TFDP2: variants seen among roughly 807,000 people sequenced by gnomAD.
TFDP2 encodes the protein transcription factor Dp-2 (E2F dimerization partner 2).
TFDP2 carries 17 observed loss-of-function variants against 59.3 expected under a neutral mutation model. That is an observed-to-expected ratio of 0.29 (90% CI 0.20 to 0.43). TFDP2 has a LOEUF of 0.43. TFDP2 is among the 20% of genes least tolerant of loss of function. The pLI, the probability that TFDP2 is intolerant of heterozygous loss-of-function variation, is 1.00. For missense variants in TFDP2, 391 were observed against 528.8 expected, an observed-to-expected ratio of 0.74 and a Z score of 2.56; for synonymous variants, 180 against 194.7, an observed-to-expected ratio of 0.92 and a Z score of 0.63.
intron 3 of TFDP2, among the ~76,000 whole-genome samples, chr3:142,059,178 A>G (rs1012435609): frequency 1.3e-5 from 2 of 152,204 alleles, no homozygotes; most frequent in African/African-American, 4.8e-5. Context: ...GCTTTGATCA[A>G]TTCTATATAA....
intron 10 of TFDP2, among the ~76,000 whole-genome samples, chr3:141,962,552 T>A (rs1465983419): frequency 6.6e-6 from 1 of 152,058 alleles, no homozygotes; most frequent in East Asian, 1.9e-4. Flanking sequence ...AGAGACAGGG[T>A]TTCACTATGT....
intron 3 of TFDP2, among the ~76,000 whole-genome samples, chr3:142,038,069 C>T (rs1946770883): frequency 6.6e-6 from 1 of 151,932 alleles, no homozygotes. Context: ...TGTGCTGATC[C>T]CCTACAGAAG....
At chr3:142,128,287 A>C (rs996209266) in intron 1 of TFDP2, among the ~76,000 whole-genome samples, 2 of 152,250 alleles carry the variant, frequency 1.3e-5, no homozygotes, top group African/African-American at 4.8e-5. Flanking sequence ...AACTAGGTAC[A>C]CAAAAGGGTT....
chr3:142,106,447 T>G (rs2108658519), intron 1 of TFDP2, among the ~76,000 whole-genome samples: 1 of 152,336 alleles, frequency 6.6e-6, no homozygotes, highest in South Asian at 2.1e-4. Context: ...TTTTAAAGTT[T>G]TTGTCTTTTT....
Position 141,989,886 on chromosome 3 carries a change from TAA to T in TFDP2, c.356+3650_356+3651del, listed in dbSNP as rs1491475360. On this transcript the variant is annotated intron_variant, in intron 6 of 12. Coordinates refer to ENST00000489671, the MANE Select transcript of TFDP2 (RefSeq NM_001178139.2). The stretch of plus-strand genomic sequence containing the variant: ...TTTTACAGATTTACTTTAATAATAA[TAA>T]TAATAATTATTATTATTATTATTGA... Among the ~76,000 whole-genome samples the T allele has an allele frequency of 1.2e-3, 180 of 149,560 alleles. 1 individual carries two copies. The highest frequency in any genetic ancestry group is 4.2e-3 in the African/African-American group (171 of 40,890).
chr3:142,125,572 C>T (rs1233832797), intron 1 of TFDP2, among the ~76,000 whole-genome samples: 1 of 151,972 alleles, frequency 6.6e-6, no homozygotes, highest in Non-Finnish European at 1.5e-5. Context: ...TTGGAAAACC[C>T]ATAACTGCGT....
intron 3 of TFDP2, among the ~76,000 whole-genome samples, chr3:142,040,472 G>A (rs1340902827): frequency 1.3e-5 from 2 of 151,102 alleles, no homozygotes; most frequent in Non-Finnish European, 2.9e-5. Flanking sequence ...TTGTTATCCA[G>A]GCTGGAGTGC....
At chr3:142,038,727 T>A (rs546033390) in intron 3 of TFDP2, among the ~76,000 whole-genome samples, 1 of 151,578 alleles carries the variant, frequency 6.6e-6, no homozygotes, top group Non-Finnish European at 1.5e-5. Context: ...CTTTCTATGA[T>A]ACATATTTTT....
chr3:142,047,774 G>C (rs1947415326), intron 3 of TFDP2, among the ~76,000 whole-genome samples: 2 of 120,052 alleles, frequency 1.7e-5, no homozygotes, highest in South Asian at 5.2e-4. Context: ...TTTCGCTCTT[G>C]TTGCCCAGGC....
chr3:142,069,158 C>A (rs948686466), intron 3 of TFDP2, among the ~76,000 whole-genome samples: 1 of 152,118 alleles, frequency 6.6e-6, no homozygotes, highest in Non-Finnish European at 1.5e-5. Context: ...TCGTGATCCA[C>A]CCGACTTGAC....
At chr3:141,981,399 C>G (rs1023853607) in intron 6 of TFDP2, among the ~76,000 whole-genome samples, 1 of 152,090 alleles carries the variant, frequency 6.6e-6, no homozygotes, top group Non-Finnish European at 1.5e-5. Context: ...AACATAGCCC[C>G]TCATTAAGTG....
chr3:141,999,195 C>T (rs942044817), intron 4 of TFDP2, among the ~76,000 whole-genome samples: 1 of 152,166 alleles, frequency 6.6e-6, no homozygotes, highest in Admixed American at 6.5e-5. Flanking sequence ...AGGATGAAGA[C>T]TTTTATGATA....
chr3:141,956,948 C>G (rs924914555), intron 11 of TFDP2, among the ~76,000 whole-genome samples: 2 of 150,828 alleles, frequency 1.3e-5, no homozygotes, highest in Non-Finnish European at 1.5e-5. Context: ...CCACCCCCCC[C>G]ACAAAAATCA....
In TFDP2 at chr3:141,949,977, T is replaced by G. The variant is rs1379201510; in HGVS notation, c.*2536A>C. Reference sequence around the variant, plus strand: ...CATGCCCCACCACACCCAGCTAATTTTTGTATTTTTGTAGAGACAGGGTTT... The same window carrying G: ...CATGCCCCACCACACCCAGCTAATTGTTGTATTTTTGTAGAGACAGGGTTT... On this transcript the variant is annotated 3_prime_UTR_variant, in exon 13 of 13. Coordinates refer to ENST00000489671, the MANE Select transcript of TFDP2 (RefSeq NM_001178139.2). 2 of 151,748 alleles carry G rather than the reference T, an allele frequency of 1.3e-5. No individual in the cohort carries two copies. The highest frequency in any genetic ancestry group is 6.6e-5 in the Admixed American group (1 of 15,194). 9.4% of individuals were successfully genotyped at this position (151,748 alleles called of 1,614,324 possible). A position where few individuals can be genotyped will look rare whatever the true frequency, so the allele number is the denominator to read the frequency against.
At chr3:142,131,873 G>T (rs905360192) in intron 1 of TFDP2, among the ~76,000 whole-genome samples, 1 of 149,392 alleles carries the variant, frequency 6.7e-6, no homozygotes, top group Admixed American at 6.6e-5. Flanking sequence ...GGACGTGGTG[G>T]CACATGCCTG....
At chr3:141,973,653 C>G (rs897306924) in intron 8 of TFDP2, among the ~76,000 whole-genome samples, 1 of 148,086 alleles carries the variant, frequency 6.8e-6, no homozygotes, top group Admixed American at 6.8e-5. Flanking sequence ...ATTGTGTAAC[C>G]AATAAAGGAA....
chr3:142,119,160 C>CA (rs919150480), intron 1 of TFDP2, among the ~76,000 whole-genome samples: 65 of 141,854 alleles, frequency 4.6e-4, no homozygotes, highest in East Asian at 2.6e-3. Context: ...GACACTGTTT[C>CA]AAAAAAAAAA....
At chr3:142,135,654 G>A (rs1277157627) in intron 1 of TFDP2, among the ~76,000 whole-genome samples, 3 of 152,022 alleles carry the variant, frequency 2.0e-5, no homozygotes, top group Admixed American at 6.6e-5. Context: ...AACATATGGT[G>A]TTTGGTTTTC....
intron 11 of TFDP2, among the ~76,000 whole-genome samples, chr3:141,953,541 A>G (rs995457839): frequency 1.2e-4 from 18 of 152,096 alleles, no homozygotes; most frequent in African/African-American, 4.1e-4. Context: ...GGTGAACTCA[A>G]TGCTGCTACT....
Sources: allele counts gnomAD v4.1 joint callset (sites outside exome capture counted in the v4.1 genomes callset), GRCh38; gene constraint gnomAD v4.1.1; transcripts MANE v1.5; gene names NCBI Gene and HGNC (gene_info 2026-07-23, HGNC 2026-07-21).